The following AK6 variants were observed in gnomAD, a reference collection of about 807,000 sequenced individuals.
The protein encoded by AK6 is adenylate kinase isoenzyme 6.
In AK6, 24 loss-of-function variants were observed where a neutral mutation model predicts 23.7. That is an observed-to-expected ratio of 1.01 (90% CI 0.73 to 1.43). AK6 has a LOEUF of 1.43. AK6 is among the 40% of genes most tolerant of loss of function. The probability of loss-of-function intolerance (pLI) is 0.00; values close to 1 mark genes in which losing one functional copy is unlikely to be tolerated. For missense variants in AK6, 191 were observed against 199.1 expected, an observed-to-expected ratio of 0.96 and a Z score of 0.24; for synonymous variants, 73 against 69.8, an observed-to-expected ratio of 1.05 and a Z score of -0.23.
At chr5:69,363,977 A>C (rs1171636288) in intron 2 of AK6, among the ~76,000 whole-genome samples, 4 of 152,032 alleles carry the variant, frequency 2.6e-5, no homozygotes, top group Non-Finnish European at 4.4e-5. Flanking sequence ...AATTCCAGCT[A>C]CTTGGGAGGC....
At chr5:69,360,514 T>C (rs2010354) in intron 2 of AK6, among the ~76,000 whole-genome samples, 129,888 of 152,156 alleles carry the variant, frequency 0.85, 56,657 homozygotes, top group Non-Finnish European at 0.95. Context: ...AGAAATTGGG[T>C]TGTTTTAATT....
At chr5:69,361,527 C>T (rs1010283182) in intron 2 of AK6, among the ~76,000 whole-genome samples, 3 of 152,026 alleles carry the variant, frequency 2.0e-5, no homozygotes, top group Non-Finnish European at 4.4e-5. Flanking sequence ...CAACCTCCAC[C>T]TCCCAGGTTC....
At chr5:69,362,957 C>A (rs1412104114) in intron 2 of AK6, among the ~76,000 whole-genome samples, 1 of 152,120 alleles carries the variant, frequency 6.6e-6, no homozygotes, top group Non-Finnish European at 1.5e-5. Context: ...ACTTGAGGTA[C>A]AGTGGCTCTC....
intron 2 of AK6, among the ~76,000 whole-genome samples, chr5:69,360,690 A>G (rs6899040): frequency 0.021 from 3,134 of 152,268 alleles, 125 homozygotes; most frequent in African/African-American, 0.073. Context: ...AGAGAGGTCA[A>G]TAGAGGAGTT....
intron 2 of AK6, among the ~76,000 whole-genome samples, chr5:69,360,952 T>C (rs563320802): frequency 1.2e-4 from 18 of 152,320 alleles, no homozygotes; most frequent in African/African-American, 4.3e-4. Flanking sequence ...ATGGATCCAA[T>C]GTCAATATAT....
Position 69,351,910 on chromosome 5 carries a change from G to A in AK6, c.*151C>T. On this transcript the variant is annotated 3_prime_UTR_variant, in exon 5 of 5. Transcript: ENST00000380822. ...ATATTTCATGTTTAGCTTTCTCATG[G>A]AGAAAAAGAAACACAGGCATAAACC... is the stretch of plus-strand genomic sequence containing the variant. 1 of 466,984 alleles carries A rather than the reference G, an allele frequency of 2.1e-6. No individual in the cohort carries two copies. Among genetic ancestry groups the A allele is most frequent in the Non-Finnish European group, 3.6e-6 (1 of 279,152 alleles). 28.9% of individuals were successfully genotyped at this position (466,984 alleles called of 1,614,324 possible). A position where few individuals can be genotyped will look rare whatever the true frequency, so the allele number is the denominator to read the frequency against.
chr5:69,365,885 T>C lies in AK6; in HGVS notation c.121+618A>G, dbSNP rs1212146189. On this transcript the variant is annotated intron_variant, in intron 2 of 4. Coordinates refer to ENST00000380822, the MANE Select transcript of AK6 (RefSeq NM_016283.5). ...AAAAAAATTTTTAAAATTTAAACCA[T>C]ATGTTTTCTTAATTTTAATGAGGCA... 8 of 573,062 alleles carry C rather than the reference T, an allele frequency of 1.4e-5. No individual in the cohort carries two copies. The South Asian group carries it at 2.5e-4, about 18-fold the overall frequency. The allele number at this position is 573,062 out of a possible 1,614,324, so 35.5% of individuals were successfully genotyped here.
intron 4 of AK6, among the ~76,000 whole-genome samples, chr5:69,353,062 A>C (rs1761988941): frequency 6.6e-6 from 1 of 152,356 alleles, no homozygotes; most frequent in Non-Finnish European, 1.5e-5. Flanking sequence ...ATTATTTGGC[A>C]ATAAAAAGAA....
upstream of AK6, chr5:69,369,698 G>GGGCATAACTCGGGTC: frequency 1.9e-6 from 3 of 1,552,848 alleles, no homozygotes. Context: ...GTTGGAGGGT[G>GGGCATAACTCGGGTC]GGCATAACTC....
chr5:69,356,164 G>A (rs995963878), intron 2 of AK6, among the ~76,000 whole-genome samples: 8 of 152,172 alleles, frequency 5.3e-5, no homozygotes, highest in Non-Finnish European at 1.0e-4. Context: ...GGGAAACTTG[G>A]ATTGCAATAT....
chr5:69,369,612 C>T (rs1170957384), upstream of AK6: 1 of 1,578,328 alleles, frequency 6.3e-7, no homozygotes, highest in South Asian at 1.1e-5. Context: ...CCCACCGCGG[C>T]GCCCCTAGCC....
Position 69,361,474 on chromosome 5 carries a change from T to C in AK6, c.121+5029A>G, listed in dbSNP as rs142077902. The stretch of plus-strand genomic sequence containing the variant: ...TTTTTTTTGAGACGGAATCTCTCTC[T>C]GTCACCCAGACTGGAGTACAGTGGC... On this transcript the variant is annotated intron_variant, in intron 2 of 4. Coordinates refer to ENST00000380822, the MANE Select transcript of AK6 (RefSeq NM_016283.5). Among the ~76,000 whole-genome samples the C allele has an allele frequency of 6.6e-3, 1,003 of 152,028 alleles. 15 individuals carry two copies. The highest frequency in any genetic ancestry group is 0.023 in the African/African-American group (955 of 41,476).
intron 2 of AK6, 85 bp downstream of exon 2, chr5:69,366,418 C>G (rs193128360): frequency 9.7e-7 from 1 of 1,028,110 alleles, no homozygotes; most frequent in African/African-American, 1.6e-5. Flanking sequence ...TTTTTTGTAC[C>G]CTATGACAAT....
rs1224901202 is a variant in AK6, at chr5:69,365,857, T to C, written c.121+646A>G. The C allele has an allele frequency of 6.1e-6, 5 of 823,574 alleles. No homozygotes were observed. The East Asian group carries it at 1.5e-4, about 25-fold the overall frequency. The allele number at this position is 823,574 out of a possible 1,614,324, so 51.0% of individuals were successfully genotyped here. Reference sequence around the variant, plus strand: ...AAAAAATTTTAAATCTATGTTAAACTGTAAAAAAATTTTTAAAATTTAAAC... The same window carrying C: ...AAAAAATTTTAAATCTATGTTAAACCGTAAAAAAATTTTTAAAATTTAAAC... On this transcript the variant is annotated intron_variant, in intron 2 of 4. Coordinates refer to ENST00000380822, the MANE Select transcript of AK6 (RefSeq NM_016283.5).
chr5:69,366,239 TA>T (rs1762418911), intron 2 of AK6, among the ~76,000 whole-genome samples: 1 of 152,186 alleles, frequency 6.6e-6, no homozygotes. Context: ...ACATTCTACC[TA>T]TCCGAAATCC....
At position 69,369,226 on chromosome 5, in the gene AK6, A is replaced by ACCCCCCC. The variant is rs200123392; in HGVS notation, c.28+230_28+236dup. The ACCCCCCC allele has an allele frequency of 4.8e-3, 603 of 124,500 alleles. 91 individuals carry two copies. The highest frequency in any genetic ancestry group is 0.014 in the South Asian group (87 of 6,236). 7.7% of individuals were successfully genotyped at this position (124,500 alleles called of 1,614,324 possible). A position where few individuals can be genotyped will look rare whatever the true frequency, so the allele number is the denominator to read the frequency against. Reference sequence around the variant, plus strand: ...GAGCTGGATCTGCCGACCTCTCTCCACCCCCCCCCGCCCCCCCCCGGAGCC... The same window carrying ACCCCCCC: ...GAGCTGGATCTGCCGACCTCTCTCCACCCCCCCCCCCCCCCCGCCCCCCCCCGGAGCC... On this transcript the variant is annotated intron_variant, in intron 1 of 4. Coordinates refer to ENST00000380822, the MANE Select transcript of AK6 (RefSeq NM_016283.5).
At chr5:69,363,869 C>T (rs1762311804) in intron 2 of AK6, among the ~76,000 whole-genome samples, 1 of 151,928 alleles carries the variant, frequency 6.6e-6, no homozygotes, top group Admixed American at 6.5e-5. Flanking sequence ...GGGCAGATCA[C>T]TTGAGGCCAG....
At chr5:69,353,486 C>T (rs1037969323) in intron 4 of AK6, among the ~76,000 whole-genome samples, 11 of 151,800 alleles carry the variant, frequency 7.2e-5, no homozygotes, top group African/African-American at 2.7e-4. Context: ...CTAGTAGAGA[C>T]GGGGTTTCAC....
intron 2 of AK6, among the ~76,000 whole-genome samples, chr5:69,356,937 G>A (rs1762098136): frequency 6.6e-6 from 1 of 152,174 alleles, no homozygotes; most frequent in South Asian, 2.1e-4. Context: ...TTCAAAAGAA[G>A]TATTCTTTCA....
Sources: allele counts gnomAD v4.1 joint callset (sites outside exome capture counted in the v4.1 genomes callset), GRCh38; gene constraint gnomAD v4.1.1; transcripts MANE v1.5; gene names NCBI Gene and HGNC (gene_info 2026-07-23, HGNC 2026-07-21).